Variants in OR1G1 observed in about 807,000 individuals in gnomAD.
OR1G1 encodes the protein olfactory receptor family 1 subfamily G member 1.
For synonymous variants in OR1G1, 145 were observed against 149.6 expected (o/e 0.97, Z 0.22); for missense variants, 347 against 375.5 (o/e 0.92, Z 0.63).
rs921094610 is a variant in OR1G1 at position 3,127,286 on chromosome 17, C to G, written c.266G>C (p.Ser89Thr). ...ACACCCTGAGTAGGAGATGGCCTGA[C>G]TCTGGATCTGTATGTTTGCCAGCAT... ...PKMLANIQIQ[S>T]QAISYSGCLL... The change falls in exon 1 of 1, where the codon AGT (serine) becomes ACT (threonine). Residue 89 changes from serine to threonine, a missense_variant. Physicochemically the swap from Ser to Thr is moderately conservative, Grantham distance 58. Transcript: ENST00000328890. 6 of 1,614,020 alleles carry G rather than the reference C, an allele frequency of 3.7e-6. No individual in the cohort carries two copies. The highest frequency in any genetic ancestry group is 1.3e-5 in the African/African-American group (1 of 74,888).
Position 3,127,497 on chromosome 17 carries a change from C to T in OR1G1, c.55G>A (p.Glu19Lys), listed in dbSNP as rs760216960. 14 of 1,613,930 alleles carry T rather than the reference C, an allele frequency of 8.7e-6. No individual in the cohort carries two copies. The Admixed American group carries it at 1.0e-4, about 12-fold the overall frequency. Residue 19 changes from glutamate to lysine, a missense_variant, in exon 1 of 1, where the codon GAG becomes AAG. Glu to Lys is a moderately conservative substitution (Grantham distance 56). Coordinates refer to ENST00000328890, the MANE Select transcript of OR1G1 (RefSeq NM_003555.1). ...ISECFLLGFS[E>K]QLEEQKPLFG... ...AGGGGCTTCTGCTCCTCCAGCTGCT[C>T]AGAGAACCCCAGGAGGAAACATTCT...
chr17:3,127,526 A>T lies in OR1G1; in HGVS notation c.26T>A (p.Ile9Asn). The T allele has an allele frequency of 6.2e-7, 1 of 1,613,146 alleles. No homozygotes were observed. Among genetic ancestry groups the T allele is most frequent in the South Asian group, 1.1e-5 (1 of 90,962 alleles). ...GAACCCCAGGAGGAAACATTCTGAGATGCTGGTCAGATTTTTCCCCTCCAT... is the reference window on the plus strand; with the variant it reads ...GAACCCCAGGAGGAAACATTCTGAGTTGCTGGTCAGATTTTTCCCCTCCAT... MEGKNLTS[I>N]SECFLLGFSE... Residue 9 changes from isoleucine (I) to asparagine (N), a missense_variant, in exon 1 of 1, where the codon ATC (isoleucine) becomes AAC (asparagine). Physicochemically the swap from Ile to Asn is moderately radical, Grantham distance 149. Coordinates refer to ENST00000328890, the MANE Select transcript of OR1G1 (RefSeq NM_003555.1).
In OR1G1 at chr17:3,126,702, T is replaced by C. The variant is rs761299778; in HGVS notation, c.850A>G (p.Met284Val). ...AAACTGTAGATAAAGGGATTCAACA[T>C]TGGAGTTACCACTGTGTACATCACT... is the stretch of plus-strand genomic sequence containing the variant. ...ASVMYTVVTPMLNPFIYSLRN... is the reference protein window; with the variant it reads ...ASVMYTVVTPVLNPFIYSLRN... The change falls in exon 1 of 1, where the codon ATG (methionine) becomes GTG (valine). Residue 284 changes from methionine (M) to valine (V), a missense_variant. By Grantham distance (21) the Met-to-Val change is conservative. Transcript: ENST00000328890. 11 of 1,613,356 alleles carry C rather than the reference T, an allele frequency of 6.8e-6. No homozygotes were observed. The highest frequency in any genetic ancestry group is 1.6e-4 in the Middle Eastern group (1 of 6,080).
Position 3,127,221 on chromosome 17 carries a change from C to T in OR1G1, c.331G>A (p.Glu111Lys), listed in dbSNP as rs139528916. The change falls in exon 1 of 1, where the codon GAG becomes AAG. Residue 111 changes from glutamate to lysine, a missense_variant. Coordinates refer to ENST00000328890, the MANE Select transcript of OR1G1 (RefSeq NM_003555.1). Reference protein sequence around the residue: ...LYFFMLFVMLEAFLLAVMAYD... With the variant: ...LYFFMLFVMLKAFLLAVMAYD... ...GCCATGACCGCCAAGAGGAATGCCT[C>T]CAGCATCACAAATAACATGAAAAAA... 2.5e-6 allele frequency: 4 copies of T among 1,614,190 alleles called. No homozygotes were observed. Among genetic ancestry groups the T allele is most frequent in the Non-Finnish European group, 3.4e-6 (4 of 1,180,034 alleles).
chr17:3,127,163 A>C lies in OR1G1; in HGVS notation c.389T>G (p.Leu130Arg), dbSNP rs752963759. The change falls in exon 1 of 1, where the codon CTT (leucine) becomes CGT (arginine). Residue 130 changes from leucine (L) to arginine (R), a missense_variant. Physicochemically the swap from Leu to Arg is moderately radical, Grantham distance 102. Transcript: ENST00000328890. The part of the protein sequence containing the change: ...YDCYVAICHP[L>R]HYILIMSPGL... ...AGGGCTCATGATCAGAATGTAATGA[A>C]GTGGGTGGCATATGGCCACGTAGCA... The C allele has an allele frequency of 2.5e-6, 4 of 1,614,098 alleles. No individual in the cohort carries two copies. Among genetic ancestry groups the C allele is most frequent in the African/African-American group, 1.3e-5 (1 of 74,944 alleles).
Sources: gnomAD v4.1 joint callset for allele counts on GRCh38, gnomAD v4.1.1 for gene constraint, MANE v1.5 for transcripts, NCBI Gene and HGNC (gene_info 2026-07-23, HGNC 2026-07-21) for gene names.